Variants in PDE4D observed in about 807,000 individuals in gnomAD.
PDE4D encodes the protein 3',5'-cyclic-AMP phosphodiesterase 4D.
PDE4D carries 24 observed loss-of-function variants against 87.4 expected under a neutral mutation model. That is an observed-to-expected ratio of 0.27 (90% confidence interval 0.20 to 0.39). PDE4D has a LOEUF of 0.39. PDE4D is among the 10% of genes least tolerant of loss of function. PDE4D has a pLI of 1.00. For missense variants in PDE4D, 714 were observed against 1,041.0 expected (o/e 0.69, Z 4.32); for synonymous variants, 384 against 383.2 (o/e 1.00, Z -0.02).
At chr5:59,504,117 G>A (rs1394975717) in intron 1 of PDE4D, among the ~76,000 whole-genome samples, 3 of 151,698 alleles carry the variant, frequency 2.0e-5, no homozygotes, top group African/African-American at 7.2e-5. Context: ...ATCAATAAAT[G>A]TAATAGCATG....
At chr5:59,476,011 A>G (rs1460319718) in intron 1 of PDE4D, among the ~76,000 whole-genome samples, 7 of 152,148 alleles carry the variant, frequency 4.6e-5, no homozygotes, top group African/African-American at 1.7e-4. Context: ...CAAAGACAGA[A>G]AGCAAGGTTC....
intron 1 of PDE4D, among the ~76,000 whole-genome samples, chr5:59,650,953 T>C (rs1237062514): frequency 6.6e-6 from 1 of 152,176 alleles, no homozygotes; most frequent in Non-Finnish European, 1.5e-5. Flanking sequence ...AATAAACTTT[T>C]ATTTTATAAA....
At chr5:60,098,383 T>G (rs912915937) in intron 2 of PDE4D, among the ~76,000 whole-genome samples, 4 of 151,980 alleles carry the variant, frequency 2.6e-5, no homozygotes, top group Non-Finnish European at 4.4e-5. Context: ...AGTAAAGGCA[T>G]GTTAACAATA....
chr5:60,125,921 T>C (rs1779085917), intron 2 of PDE4D, among the ~76,000 whole-genome samples: 1 of 152,164 alleles, frequency 6.6e-6, no homozygotes, highest in Non-Finnish European at 1.5e-5. Context: ...AATAAGAAGA[T>C]GAGGGCTATG....
intron 1 of PDE4D, among the ~76,000 whole-genome samples, chr5:60,266,294 C>T (rs932788297): frequency 1.4e-4 from 22 of 152,112 alleles, no homozygotes; most frequent in African/African-American, 5.3e-4. Context: ...TGGAAAGCCC[C>T]ATGAAAGCAG....
chr5:59,101,643 T>C (rs1008565401), intron 5 of PDE4D, among the ~76,000 whole-genome samples: 2 of 152,060 alleles, frequency 1.3e-5, no homozygotes, highest in Non-Finnish European at 2.9e-5. Flanking sequence ...ATGAGGACAA[T>C]TGAGAAACTC....
rs5868220 is a variant in PDE4D at position 60,084,389 on chromosome 5, C to CGT, written c.43-95674_43-95673dup. Among the ~76,000 whole-genome samples, 612 of 151,434 alleles carry CGT rather than the reference C, an allele frequency of 4.0e-3. 4 individuals are homozygous for CGT. The highest frequency in any genetic ancestry group is 0.013 in the African/African-American group (548 of 41,340). ...ATGACAGTGATTCTTCGCATCTTAACGTGTGTGTGTGTGTGTGCGCGCGCG... is the reference window on the plus strand; with the variant it reads ...ATGACAGTGATTCTTCGCATCTTAACGTGTGTGTGTGTGTGTGTGCGCGCGCG... On this transcript the variant is annotated intron_variant, in intron 2 of 16. Coordinates refer to the PDE4D transcript ENST00000502484.
Position 59,678,587 on chromosome 5 carries a change from G to A in PDE4D, c.455+214581C>T, listed in dbSNP as rs372872587. On this transcript the variant is annotated intron_variant, in intron 1 of 14. Coordinates refer to ENST00000340635, the MANE Select transcript of PDE4D (RefSeq NM_001104631.2). ...TTCAAGCACTTCTCCTGCCTCAGGCGCCTGAGTAGCTGGGATTATAGGCAC... is the reference window on the plus strand; with the variant it reads ...TTCAAGCACTTCTCCTGCCTCAGGCACCTGAGTAGCTGGGATTATAGGCAC... Among the ~76,000 whole-genome samples the A allele has an allele frequency of 1.6e-4, 25 of 152,070 alleles. No individual in the cohort carries two copies. The South Asian group carries it at 2.5e-3, about 15-fold the overall frequency.
intron 1 of PDE4D, among the ~76,000 whole-genome samples, chr5:59,445,302 T>C (rs1390610722): frequency 6.6e-6 from 1 of 152,222 alleles, no homozygotes; most frequent in Non-Finnish European, 1.5e-5. Context: ...GTACCACATT[T>C]TTCATGCATT....
At chr5:60,458,386 C>CAAAAA (rs61006284) in intron 1 of PDE4D, among the ~76,000 whole-genome samples, 16 of 75,162 alleles carry the variant, frequency 2.1e-4, no homozygotes, top group African/African-American at 3.9e-4. Context: ...GACTTCATTG[C>CAAAAA]AAAAAAAAAA....
At chr5:59,102,284 C>T (rs1267459429) in intron 5 of PDE4D, among the ~76,000 whole-genome samples, 2 of 151,760 alleles carry the variant, frequency 1.3e-5, no homozygotes, top group Non-Finnish European at 2.9e-5. Flanking sequence ...TGGGGTTTCT[C>T]CATGTTGGTC....
At chr5:60,170,645 G>A (rs1178061110) in intron 2 of PDE4D, among the ~76,000 whole-genome samples, 1 of 151,848 alleles carries the variant, frequency 6.6e-6, no homozygotes, top group East Asian at 1.9e-4. Context: ...AAAATAAAGA[G>A]CACTTGATTA....
At chr5:59,091,299 G>A (rs1209579949) in intron 5 of PDE4D, among the ~76,000 whole-genome samples, 5 of 151,966 alleles carry the variant, frequency 3.3e-5, no homozygotes, top group African/African-American at 1.2e-4. Flanking sequence ...CCACAAAAAT[G>A]TACGCTTATG....
intron 2 of PDE4D, chr5:60,160,927 T>C: frequency 4.3e-5 from 16 of 371,198 alleles, no homozygotes; most frequent in South Asian, 3.1e-4. Flanking sequence ...CTTAAATTTA[T>C]AAGTCAATAA....
At chr5:59,748,872 G>C (rs1331724452) in intron 1 of PDE4D, among the ~76,000 whole-genome samples, 1 of 152,168 alleles carries the variant, frequency 6.6e-6, no homozygotes, top group African/African-American at 2.4e-5. Context: ...GAAGTCTTCT[G>C]CCAACAGCCA....
intron 1 of PDE4D, among the ~76,000 whole-genome samples, chr5:59,395,449 C>G (rs1408924299): frequency 6.6e-6 from 1 of 152,202 alleles, no homozygotes; most frequent in Non-Finnish European, 1.5e-5. Flanking sequence ...AGCAGCCTAA[C>G]TGGGAGGCTC....
chr5:60,050,810 A>T (rs1770042299), intron 2 of PDE4D, among the ~76,000 whole-genome samples: 1 of 152,220 alleles, frequency 6.6e-6, no homozygotes, highest in Non-Finnish European at 1.5e-5. Flanking sequence ...GCAACAACAC[A>T]CATAGGCTCA....
chr5:59,508,806 A>T (rs190190232), intron 1 of PDE4D, among the ~76,000 whole-genome samples: 1 of 152,208 alleles, frequency 6.6e-6, no homozygotes, highest in East Asian at 1.9e-4. Flanking sequence ...AAACTCAACA[A>T]ACAGGTGAAA....
chr5:60,056,109 TAAAAG>T lies in PDE4D; in HGVS notation c.43-67397_43-67393del, dbSNP rs1305700383. Among the ~76,000 whole-genome samples, 4 of 152,162 alleles carry T rather than the reference TAAAAG, an allele frequency of 2.6e-5. No homozygotes were observed. The South Asian group carries it at 6.2e-4, about 24-fold the overall frequency. ...CATTAAGTGCCATATCAAAATCTCATAAAAGAAAATACCAATATATGTATGAGTCA... is the reference window on the plus strand; with the variant it reads ...CATTAAGTGCCATATCAAAATCTCATAAAATACCAATATATGTATGAGTCA... On this transcript the variant is annotated intron_variant, in intron 2 of 16. Coordinates refer to the PDE4D transcript ENST00000502484.
Sources: gnomAD v4.1 joint callset for allele counts (sites outside exome capture counted in the v4.1 genomes callset) on GRCh38, gnomAD v4.1.1 for gene constraint, MANE v1.5 for transcripts, NCBI Gene and HGNC (gene_info 2026-07-23, HGNC 2026-07-21) for gene names.